DOCK1: variants seen among roughly 807,000 people sequenced by gnomAD.
DOCK1 encodes dedicator of cytokinesis protein 1.
DOCK1 carries 138 observed loss-of-function variants against 262.7 expected under a neutral mutation model. The observed-to-expected ratio is 0.53, with a 90% CI of 0.46 to 0.61. The LOEUF is 0.61. Ranked by LOEUF, DOCK1 falls within the 20% of genes least tolerant of loss-of-function variation. The pLI is 0.00. For synonymous variants in DOCK1, 866 were observed against 867.4 expected (o/e 1.00, Z 0.03); for missense variants, 1,908 against 2,370.7 (o/e 0.80, Z 4.05).
At chr10:127,125,428 G>C in intron 25 of DOCK1, 46 bp from the exon 26 acceptor site, 3 of 1,606,498 alleles carry the variant, frequency 1.9e-6, no homozygotes, top group Non-Finnish European at 2.5e-6. Context: ...CACGAGTTGC[G>C]TCTTGGTGGG....
chr10:126,963,436 T>C (rs2037378942), intron 1 of DOCK1, among the ~76,000 whole-genome samples: 1 of 152,180 alleles, frequency 6.6e-6, no homozygotes, highest in Non-Finnish European at 1.5e-5. Context: ...AAGTATGTTA[T>C]TGCTTTTATT....
intron 31 of DOCK1, among the ~76,000 whole-genome samples, chr10:127,350,041 C>A (rs959995105): frequency 6.6e-6 from 1 of 152,148 alleles, no homozygotes; most frequent in Non-Finnish European, 1.5e-5. Flanking sequence ...GGGAGACAAT[C>A]CAACCCACAC....
chr10:127,321,592 G>A (rs1006613360), intron 29 of DOCK1, among the ~76,000 whole-genome samples: 2 of 151,658 alleles, frequency 1.3e-5, no homozygotes, highest in Non-Finnish European at 2.9e-5. Context: ...CTGAGCACAG[G>A]TCCCTCCTAT....
Position 127,265,646 on chromosome 10 carries a change from C to T in DOCK1, c.3044+8217C>T, listed in dbSNP as rs538921169. On this transcript the variant is annotated intron_variant, in intron 29 of 51. Transcript: ENST00000623213. ...TCTATGGACACCTCATAATCACATG[C>T]AGCTCCTTTCATGAGGAAAATCGTC... Among the ~76,000 whole-genome samples, 3 of 152,348 alleles carry T rather than the reference C, an allele frequency of 2.0e-5. No individual in the cohort carries two copies. The South Asian group carries it at 6.2e-4, about 32-fold the overall frequency.
chr10:127,310,969 C>T (rs981850310), intron 29 of DOCK1, among the ~76,000 whole-genome samples: 5 of 152,126 alleles, frequency 3.3e-5, no homozygotes, highest in Non-Finnish European at 2.9e-5. Context: ...AGTTCAAGAA[C>T]CCAAACTTGA....
chr10:127,180,514 G>A (rs180977417), intron 27 of DOCK1, among the ~76,000 whole-genome samples: 8 of 152,296 alleles, frequency 5.3e-5, no homozygotes, highest in African/African-American at 1.4e-4. Flanking sequence ...GCTAGATGTC[G>A]AGGAGCTGTT....
chr10:126,956,500 CT>C (rs1233677010), intron 1 of DOCK1, among the ~76,000 whole-genome samples: 4 of 152,140 alleles, frequency 2.6e-5, no homozygotes, highest in Non-Finnish European at 5.9e-5. Context: ...CCCGGCTGAG[CT>C]GCTCAGTGGG....
chr10:126,999,920 C>A (rs1334449879), intron 9 of DOCK1, among the ~76,000 whole-genome samples: 1 of 152,196 alleles, frequency 6.6e-6, no homozygotes, highest in African/African-American at 2.4e-5. Flanking sequence ...CGTGATCCAC[C>A]CTCCTCGGCC....
At chr10:126,977,367 C>A (rs1227942013) in intron 2 of DOCK1, among the ~76,000 whole-genome samples, 11 of 152,180 alleles carry the variant, frequency 7.2e-5, no homozygotes, top group Non-Finnish European at 1.2e-4. Flanking sequence ...CTGGGCCAAA[C>A]CCAAAGGGCA....
At chr10:126,948,964 C>G (rs962878663) in intron 1 of DOCK1, among the ~76,000 whole-genome samples, 16 of 152,138 alleles carry the variant, frequency 1.1e-4, no homozygotes, top group African/African-American at 3.6e-4. Context: ...TTCAGAATCC[C>G]TTTCAGTGGC....
intron 27 of DOCK1, chr10:127,137,965 G>C: frequency 6.2e-7 from 1 of 1,613,992 alleles, no homozygotes; most frequent in Non-Finnish European, 8.5e-7. Context: ...ATAGGGTGGA[G>C]TTTTCTTAGA....
At chr10:127,373,920 A>G (rs770924362) in intron 34 of DOCK1, 54 bp downstream of exon 34, 10 of 1,560,722 alleles carry the variant, frequency 6.4e-6, no homozygotes, top group Admixed American at 5.7e-5. Flanking sequence ...AGACAGAGAG[A>G]CCGTAATTAG....
chr10:126,998,271 C>T (rs185143250), intron 8 of DOCK1, 22 bp downstream of exon 8: 2 of 1,613,094 alleles, frequency 1.2e-6, no homozygotes, highest in Admixed American at 3.3e-5. Context: ...TTCTTGGCTG[C>T]CGTCTTTCCT....
chr10:127,402,394 T>G (rs1764099556), intron 38 of DOCK1, among the ~76,000 whole-genome samples: 1 of 152,180 alleles, frequency 6.6e-6, no homozygotes, highest in Admixed American at 6.5e-5. Flanking sequence ...AGGCCAACTA[T>G]CTATCAAAAA....
At chr10:127,399,762 A>G (rs117676020) in intron 38 of DOCK1, among the ~76,000 whole-genome samples, 3,250 of 152,306 alleles carry the variant, frequency 0.021, 45 homozygotes, top group Non-Finnish European at 0.029. Context: ...AGAAGAATCC[A>G]GTGTAAGAGA....
intron 27 of DOCK1, among the ~76,000 whole-genome samples, chr10:127,191,878 G>A (rs1335434081): frequency 1.3e-5 from 2 of 152,218 alleles, no homozygotes; most frequent in Non-Finnish European, 2.9e-5. Flanking sequence ...TGGAGTGAGA[G>A]CAACTTTTAT....
At chr10:127,056,355 C>T (rs964064098) in intron 22 of DOCK1, among the ~76,000 whole-genome samples, 1 of 152,030 alleles carries the variant, frequency 6.6e-6, no homozygotes, top group Admixed American at 6.5e-5. Flanking sequence ...CAGGCAGGTG[C>T]CAGCATGCCT....
chr10:127,065,213 G>A (rs2045789273), intron 23 of DOCK1, among the ~76,000 whole-genome samples: 1 of 152,040 alleles, frequency 6.6e-6, no homozygotes, highest in Non-Finnish European at 1.5e-5. Flanking sequence ...GTTTCACCAT[G>A]TTAGCCAGGC....
intron 12 of DOCK1, chr10:127,016,108 A>G (rs1182676264): frequency 6.6e-6 from 1 of 152,228 alleles, no homozygotes; most frequent in East Asian, 1.9e-4. Context: ...CTAAGAGACC[A>G]TGGAGTTAGT....
Sources: gnomAD v4.1 joint callset for allele counts (sites outside exome capture counted in the v4.1 genomes callset) on GRCh38, gnomAD v4.1.1 for gene constraint, MANE v1.5 for transcripts, NCBI Gene and HGNC (gene_info 2026-07-23, HGNC 2026-07-21) for gene names.